NELL2: variants seen among roughly 807,000 people sequenced by gnomAD.
The protein encoded by NELL2 is protein kinase C-binding protein NELL2.
A neutral mutation model predicts 109.6 loss-of-function variants in NELL2; 41 were observed. That is an observed-to-expected ratio of 0.37 (90% CI 0.29 to 0.49). The LOEUF (loss-of-function observed/expected upper bound fraction) is 0.49. Ranked by LOEUF, NELL2 falls within the 20% of genes least tolerant of loss-of-function variation. NELL2 has a pLI of 0.98. For synonymous variants in NELL2, 355 were observed against 344.7 expected (o/e 1.03, Z -0.33); for missense variants, 900 against 1,008.3 (o/e 0.89, Z 1.45).
chr12:44,829,711 A>G (rs905628824), intron 2 of NELL2, among the ~76,000 whole-genome samples: 1 of 152,176 alleles, frequency 6.6e-6, no homozygotes, highest in Non-Finnish European at 1.5e-5. Context: ...TTAACAAAGT[A>G]TTCTCCTTAG....
At chr12:44,771,013 A>AT (rs149419692) in intron 9 of NELL2, among the ~76,000 whole-genome samples, 3,779 of 151,158 alleles carry the variant, frequency 0.025, 146 homozygotes, top group African/African-American at 0.085. Context: ...TTTTCTGATA[A>AT]TTTTTTTTTT....
chr12:44,526,035 A>G (rs1941755271), intron 16 of NELL2, among the ~76,000 whole-genome samples: 1 of 152,212 alleles, frequency 6.6e-6, no homozygotes, highest in Admixed American at 6.5e-5. Context: ...TCAGTGAGAG[A>G]GCAGAGTAAA....
At chr12:44,643,157 A>C (rs1946923658) in intron 13 of NELL2, among the ~76,000 whole-genome samples, 1 of 152,186 alleles carries the variant, frequency 6.6e-6, no homozygotes, top group South Asian at 2.1e-4. Context: ...GCCTAATAAC[A>C]CTATAGAAGT....
chr12:44,877,708 T>A (rs1945363354), upstream of NELL2, among the ~76,000 whole-genome samples: 2 of 152,162 alleles, frequency 1.3e-5, no homozygotes, highest in South Asian at 2.1e-4. Context: ...GCCCTTAGAA[T>A]TTTTAAGACA....
At chr12:44,849,547 T>C (rs570379710) in intron 2 of NELL2, among the ~76,000 whole-genome samples, 29 of 152,316 alleles carry the variant, frequency 1.9e-4, no homozygotes, top group African/African-American at 6.3e-4. Flanking sequence ...TATATGAGTA[T>C]TGAACAGTAC....
chr12:44,786,562 A>C (rs1164747098), intron 3 of NELL2, among the ~76,000 whole-genome samples: 1 of 152,198 alleles, frequency 6.6e-6, no homozygotes, highest in East Asian at 1.9e-4. Context: ...TTCTACTATA[A>C]AGACACATGT....
At chr12:44,764,834 T>C (rs76175652) in intron 9 of NELL2, among the ~76,000 whole-genome samples, 4 of 151,378 alleles carry the variant, frequency 2.6e-5, no homozygotes, top group African/African-American at 9.7e-5. Flanking sequence ...ACTGCATACT[T>C]AAGATCAAAA....
At chr12:44,617,535 C>CAAA (rs1249648335) in intron 13 of NELL2, among the ~76,000 whole-genome samples, 8 of 134,654 alleles carry the variant, frequency 5.9e-5, no homozygotes, top group African/African-American at 2.7e-4. Context: ...AAAACACACA[C>CAAA]AAAAAAATTA....
At chr12:44,537,350 T>A (rs1490363737) in intron 15 of NELL2, among the ~76,000 whole-genome samples, 6 of 148,822 alleles carry the variant, frequency 4.0e-5, no homozygotes, top group Non-Finnish European at 7.4e-5. Context: ...AATGTGCAAA[T>A]GTCTAGAATA....
intron 3 of NELL2, among the ~76,000 whole-genome samples, chr12:44,780,373 T>C (rs1306483056): frequency 6.6e-6 from 1 of 151,986 alleles, no homozygotes; most frequent in Non-Finnish European, 1.5e-5. Context: ...AGGATCAGTC[T>C]AGCAAGACAG....
At chr12:44,639,154 G>A (rs1002094717) in intron 13 of NELL2, among the ~76,000 whole-genome samples, 3 of 152,072 alleles carry the variant, frequency 2.0e-5, no homozygotes, top group Non-Finnish European at 2.9e-5. Flanking sequence ...CCTATTGAGC[G>A]GCACAGGTCT....
At chr12:44,585,682 T>A (rs1021676808) in intron 15 of NELL2, among the ~76,000 whole-genome samples, 6 of 151,990 alleles carry the variant, frequency 3.9e-5, no homozygotes, top group Non-Finnish European at 8.8e-5. Flanking sequence ...ATTATTTCAT[T>A]TGCACAGCAT....
At chr12:44,671,419 A>C (rs760243328) in intron 12 of NELL2, among the ~76,000 whole-genome samples, 1 of 152,194 alleles carries the variant, frequency 6.6e-6, no homozygotes, top group Non-Finnish European at 1.5e-5. Context: ...AAATTAGTAG[A>C]AGAAAAGAAA....
intron 2 of NELL2, among the ~76,000 whole-genome samples, chr12:44,872,151 T>A (rs924290000): frequency 2.6e-5 from 4 of 152,174 alleles, no homozygotes; most frequent in Non-Finnish European, 5.9e-5. Flanking sequence ...GAACCCTTTA[T>A]AACCTTTCAT....
chr12:44,767,272 A>T lies in NELL2; in HGVS notation c.994+7475T>A, dbSNP rs529261957. ...TCCATTGACTATTTCTCATTAAAAG[A>T]TCTCCCATAAATTGCCATTTTCTTG... On this transcript the variant is annotated intron_variant, in intron 9 of 19. Coordinates refer to ENST00000429094, the MANE Select transcript of NELL2 (RefSeq NM_001145108.2). 9.2e-5 allele frequency among the ~76,000 whole-genome samples: 14 copies of T among 152,284 alleles called. No individual in the cohort carries two copies. In the South Asian group the frequency reaches 2.9e-3, roughly 32 times the overall value.
chr12:44,575,624 A>G (rs1045718134), intron 15 of NELL2, among the ~76,000 whole-genome samples: 11 of 152,228 alleles, frequency 7.2e-5, no homozygotes, highest in African/African-American at 2.4e-4. Context: ...GGAAATGTGA[A>G]CTTATTTTGA....
chr12:44,756,489 A>G (rs1940895110), intron 9 of NELL2, among the ~76,000 whole-genome samples: 1 of 152,038 alleles, frequency 6.6e-6, no homozygotes, highest in Non-Finnish European at 1.5e-5. Context: ...AATGTATTGC[A>G]AAAAGCATCA....
intron 1 of NELL2, among the ~76,000 whole-genome samples, chr12:44,884,237 G>A (rs1945446420): frequency 6.6e-6 from 1 of 151,792 alleles, no homozygotes; most frequent in Non-Finnish European, 1.5e-5. Context: ...GAAGAAAGAG[G>A]TACATTACAG....
At chr12:44,693,581 ATCAAAGGAGACCTTTGCT>A (rs1262301704) in intron 12 of NELL2, among the ~76,000 whole-genome samples, 1 of 152,166 alleles carries the variant, frequency 6.6e-6, no homozygotes, top group Admixed American at 6.5e-5. Context: ...ATCCTCTCCT[ATCAAAGGAGACCTTTGCT>A]TCAAATTTTA....
Sources: gnomAD v4.1 joint callset for allele counts (sites outside exome capture counted in the v4.1 genomes callset) on GRCh38, gnomAD v4.1.1 for gene constraint, MANE v1.5 for transcripts, NCBI Gene and HGNC (gene_info 2026-07-23, HGNC 2026-07-21) for gene names.